The following EHD3 variants were observed in gnomAD, a reference collection of about 807,000 sequenced individuals.
EHD3 encodes the protein EH domain containing 3.
A neutral mutation model predicts 43.0 loss-of-function variants in EHD3; 17 were observed. That is an observed-to-expected ratio of 0.40 (90% CI 0.27 to 0.59). The LOEUF (loss-of-function observed/expected upper bound fraction) is 0.59. Ranked by LOEUF, EHD3 falls within the 20% of genes least tolerant of loss-of-function variation. The probability of loss-of-function intolerance (pLI) is 0.49; values close to 1 mark genes in which losing one functional copy is unlikely to be tolerated. For missense variants in EHD3, 594 were observed against 705.6 expected (o/e 0.84, Z 1.79); for synonymous variants, 313 against 289.5 (o/e 1.08, Z -0.82).
chr2:31,250,614 G>C (rs1170888548), intron 3 of EHD3, among the ~76,000 whole-genome samples: 3 of 152,148 alleles, frequency 2.0e-5, no homozygotes, highest in Non-Finnish European at 4.4e-5. Context: ...GCTATCAAAA[G>C]CTAAAAACAA....
Position 31,260,006 on chromosome 2 carries a change from A to G in EHD3, c.503-504A>G, listed in dbSNP as rs1413599075. On this transcript the variant is annotated intron_variant, in intron 3 of 5. Transcript: ENST00000322054. This position sits in a 1 kb window ranked among gnomAD's most constrained non-coding sequence, Gnocchi z 4.6. ...ACCTGAGGTCAGGAGTTCAAGACTC[A>G]GCCTGGCTAACATGGTTAAACCTGT... Among the ~76,000 whole-genome samples the G allele has an allele frequency of 6.6e-6, 1 of 152,198 alleles. No individual in the cohort carries two copies. The highest frequency in any genetic ancestry group is 1.5e-5 in the Non-Finnish European group (1 of 68,032).
At chr2:31,250,697 C>T (rs1267674148) in intron 3 of EHD3, among the ~76,000 whole-genome samples, 1 of 152,220 alleles carries the variant, frequency 6.6e-6, no homozygotes, top group Non-Finnish European at 1.5e-5. Context: ...ACTACCCTCT[C>T]TGTGCCATGT....
intron 1 of EHD3, among the ~76,000 whole-genome samples, chr2:31,239,173 C>T (rs1425527516): frequency 7.2e-5 from 11 of 152,206 alleles, no homozygotes; most frequent in Admixed American, 1.3e-4. Context: ...AGCGCCACTG[C>T]GCCGGGAAAG....
chr2:31,253,553 A>C (rs572051681), intron 3 of EHD3, among the ~76,000 whole-genome samples: 1 of 152,344 alleles, frequency 6.6e-6, no homozygotes, highest in African/African-American at 2.4e-5. Flanking sequence ...ATGGTTATCA[A>C]GTCGGCACAG....
chr2:31,265,511 CTG>C, intron 5 of EHD3, among the ~76,000 whole-genome samples: 1 of 152,322 alleles, frequency 6.6e-6, no homozygotes, highest in Non-Finnish European at 1.5e-5. Context: ...CAGCACATGA[CTG>C]TATTTTGAAA....
At chr2:31,245,393 G>A (rs1683496916) in intron 2 of EHD3, among the ~76,000 whole-genome samples, 1 of 151,884 alleles carries the variant, frequency 6.6e-6, no homozygotes, top group Non-Finnish European at 1.5e-5. Flanking sequence ...AGGTTAGTTA[G>A]TGATAGTGTT....
At chr2:31,244,556 T>C in intron 2 of EHD3, 106 bp downstream of exon 2, 12 of 1,244,366 alleles carry the variant, frequency 9.6e-6, no homozygotes, top group Middle Eastern at 2.1e-4. Flanking sequence ...GTGCCTAGAG[T>C]CTCCTGTCAA....
intron 2 of EHD3, among the ~76,000 whole-genome samples, chr2:31,249,023 G>T (rs1683582797): frequency 6.6e-6 from 1 of 152,194 alleles, no homozygotes; most frequent in Non-Finnish European, 1.5e-5. Context: ...AGCTGACCAA[G>T]GACAAACTAA....
intron 3 of EHD3, among the ~76,000 whole-genome samples, chr2:31,257,347 A>G (rs1393284047): frequency 1.3e-5 from 2 of 151,760 alleles, no homozygotes; most frequent in Non-Finnish European, 2.9e-5. Context: ...AGAGGGATGT[A>G]GGAAGGAGGG....
chr2:31,245,547 ATATATATTTTTT>A (rs1325526363), intron 2 of EHD3, among the ~76,000 whole-genome samples: 40 of 83,142 alleles, frequency 4.8e-4, no homozygotes, highest in Non-Finnish European at 5.8e-4. Context: ...ATATATATAT[ATATATATTTTTT>A]TTTTTTTTTT....
intron 2 of EHD3, among the ~76,000 whole-genome samples, chr2:31,246,466 G>T (rs998161109): frequency 1.3e-5 from 2 of 152,158 alleles, no homozygotes; most frequent in African/African-American, 2.4e-5. Flanking sequence ...GAAAAGCCAG[G>T]GGGAGACAAG....
intron 3 of EHD3, among the ~76,000 whole-genome samples, chr2:31,255,527 T>C (rs1434056025): frequency 2.0e-5 from 3 of 152,240 alleles, no homozygotes; most frequent in African/African-American, 7.2e-5. Flanking sequence ...ATGAGAAAGC[T>C]AATCCTATAC....
In EHD3 at chr2:31,234,783, C is replaced by T; in HGVS notation, c.162C>T (p.Asp54=). The change falls in exon 1 of 6, where the codon GAC becomes GAT. Residue 54 remains aspartate, a synonymous_variant. Coordinates refer to ENST00000322054, the MANE Select transcript of EHD3 (RefSeq NM_014600.3). ...EFHSPALEDA[D]FDNKPMVLLV... is the part of the protein sequence containing the mutation. The stretch of plus-strand genomic sequence containing the variant: ...ACTCGCCCGCCCTGGAGGATGCCGA[C>T]TTCGACAACAAGCCCATGGTTCTGC... 1.2e-6 allele frequency: 2 copies of T among 1,614,214 alleles called. No individual in the cohort carries two copies. The highest frequency in any genetic ancestry group is 8.5e-7 in the Non-Finnish European group (1 of 1,180,032).
chr2:31,236,009 ACCCTTATTCCTATTC>A (rs2148714511), intron 1 of EHD3, among the ~76,000 whole-genome samples: 1 of 152,304 alleles, frequency 6.6e-6, no homozygotes, highest in African/African-American at 2.4e-5. Context: ...AAGCAGGGGT[ACCCTTATTCCTATTC>A]CTTGGCTGTT....
intron 5 of EHD3, among the ~76,000 whole-genome samples, chr2:31,263,086 A>G (rs1282596511): frequency 1.3e-5 from 2 of 152,158 alleles, no homozygotes; most frequent in African/African-American, 2.4e-5. Context: ...TTAGTTTCCT[A>G]TCCGGCAGAA....
At chr2:31,238,661 T>C (rs1021469992) in intron 1 of EHD3, among the ~76,000 whole-genome samples, 2 of 152,350 alleles carry the variant, frequency 1.3e-5, no homozygotes, top group East Asian at 3.9e-4. Flanking sequence ...GCTATTTCTC[T>C]GCCCGGCATG....
chr2:31,266,335 G>A lies in EHD3; in HGVS notation c.1239G>A (p.Ala413=), dbSNP rs535804497. ...CCATCCAGATGGTGAAGGGCGGAGC[G>A]TTCGAGGGCACCCTGCACGGCCCCT... The part of the protein sequence containing the change: ...QRPIQMVKGG[A]FEGTLHGPFG... The change falls in exon 6 of 6, where the codon GCG becomes GCA. Residue 413 remains alanine, a synonymous_variant. Transcript: ENST00000322054. This position sits in a 1 kb window ranked among gnomAD's most constrained non-coding sequence, Gnocchi z 5.1. 115 of 1,614,196 alleles carry A rather than the reference G, an allele frequency of 7.1e-5. No homozygotes were observed. Among genetic ancestry groups the A allele is most frequent in the South Asian group, 3.0e-4 (27 of 91,078 alleles).
rs1483352790 is a variant in EHD3, at chr2:31,261,682, C to T, written c.1049C>T (p.Pro350Leu). 1 of 1,614,110 alleles carries T rather than the reference C, an allele frequency of 6.2e-7. No homozygotes were observed. Among genetic ancestry groups the T allele is most frequent in the Admixed American group, 1.7e-5 (1 of 60,010 alleles). ...ATCGAGCGGGAGCACCAGATCTCAC[C>T]TGGGGACTTCCCCAATCTGAAGAGG... ...GRIEREHQIS[P>L]GDFPNLKRMQ... The change falls in exon 5 of 6, where the codon CCT becomes CTT. Residue 350 changes from proline to leucine, a missense_variant. Physicochemically the swap from Pro to Leu is moderately conservative, Grantham distance 98. Around this residue, in one of 3 missense-constraint regions of EHD3, gnomAD observed 322 missense variants for 348.0 expected, o/e 0.93. Transcript: ENST00000322054.
chr2:31,238,883 G>A (rs1219517470), intron 1 of EHD3, among the ~76,000 whole-genome samples: 1 of 152,154 alleles, frequency 6.6e-6, no homozygotes, highest in Non-Finnish European at 1.5e-5. Context: ...TTGGCTGTGG[G>A]GCCTGGGGCT....
Sources: gnomAD v4.1 joint callset for allele counts (sites outside exome capture counted in the v4.1 genomes callset) on GRCh38, gnomAD v4.1.1 for gene constraint, gnomAD v4.1.1 regional missense constraint, Gnocchi (gnomAD v3.1) non-coding constraint, MANE v1.5 for transcripts, NCBI Gene and HGNC (gene_info 2026-07-23, HGNC 2026-07-21) for gene names.